NAALADL2: variants seen among roughly 807,000 people sequenced by gnomAD.
NAALADL2 encodes the protein inactive N-acetylated-alpha-linked acidic dipeptidase-like protein 2.
Under a neutral mutation model 87.2 loss-of-function variants are expected in NAALADL2, and 76 were observed. The ratio of observed to expected loss-of-function variants is 0.87; its 90% confidence interval spans 0.72 to 1.05. The LOEUF (loss-of-function observed/expected upper bound fraction) is 1.05, where lower values mean the gene tolerates loss of function less well. NAALADL2 is among the 50% of genes least tolerant of loss of function. The pLI, the probability that NAALADL2 is intolerant of heterozygous loss-of-function variation, is 0.00. For missense variants in NAALADL2, 1,089 were observed against 945.8 expected, an observed-to-expected ratio of 1.15 and a Z score of -1.99; for synonymous variants, 354 against 331.0, an observed-to-expected ratio of 1.07 and a Z score of -0.75.
chr3:175,472,317 T>C (rs1341083349), intron 9 of NAALADL2, among the ~76,000 whole-genome samples: 1 of 152,192 alleles, frequency 6.6e-6, no homozygotes, highest in Non-Finnish European at 1.5e-5. Context: ...GAGTTACTTA[T>C]TTTGAAAATA....
chr3:175,758,276 G>T (rs1436069028), intron 13 of NAALADL2, among the ~76,000 whole-genome samples: 1 of 151,848 alleles, frequency 6.6e-6, no homozygotes, highest in Non-Finnish European at 1.5e-5. Flanking sequence ...ACAAACTTTA[G>T]GACTGAAAGT....
intron 1 of NAALADL2, among the ~76,000 whole-genome samples, chr3:175,086,440 A>AG (rs1718933315): frequency 6.6e-6 from 1 of 152,238 alleles, no homozygotes; most frequent in Middle Eastern, 3.4e-3. Context: ...CGGGAAAAGA[A>AG]GCTAAAATTC....
At chr3:175,301,483 T>G (rs1235756582) in intron 4 of NAALADL2, among the ~76,000 whole-genome samples, 3 of 152,230 alleles carry the variant, frequency 2.0e-5, no homozygotes, top group Admixed American at 6.5e-5. Flanking sequence ...CTGTTTTGCA[T>G]TCTTAAAACA....
chr3:174,700,941 T>C (rs1314406832), intron 2 of NAALADL2, among the ~76,000 whole-genome samples: 4 of 152,078 alleles, frequency 2.6e-5, no homozygotes, highest in African/African-American at 7.2e-5. Flanking sequence ...GAGCTTAGCA[T>C]TGTAGGAGGA....
At chr3:174,613,308 G>A (rs1360145504) in intron 2 of NAALADL2, among the ~76,000 whole-genome samples, 4 of 152,178 alleles carry the variant, frequency 2.6e-5, no homozygotes, top group African/African-American at 9.7e-5. Flanking sequence ...CAAGGCCCTG[G>A]GGCTGTACAG....
intron 4 of NAALADL2, among the ~76,000 whole-genome samples, chr3:175,265,516 T>C (rs1057425744): frequency 2.6e-5 from 4 of 151,638 alleles, no homozygotes; most frequent in Non-Finnish European, 5.9e-5. Flanking sequence ...TCTTGATAAA[T>C]ATTGCTTAAT....
chr3:175,172,158 T>C (rs990339699), intron 2 of NAALADL2, among the ~76,000 whole-genome samples: 13 of 152,130 alleles, frequency 8.5e-5, no homozygotes, highest in African/African-American at 3.1e-4. Context: ...AAATATCACA[T>C]GTACCCCACA....
chr3:175,748,963 T>C (rs1257991238), intron 12 of NAALADL2, among the ~76,000 whole-genome samples: 1 of 151,290 alleles, frequency 6.6e-6, no homozygotes, highest in Admixed American at 6.6e-5. Flanking sequence ...AAAAATTAGC[T>C]GGACATGGTT....
At chr3:175,112,890 G>C (rs920153366) in intron 2 of NAALADL2, among the ~76,000 whole-genome samples, 11 of 151,566 alleles carry the variant, frequency 7.3e-5, no homozygotes. Context: ...TTCCAGAAAA[G>C]ATGGGCACTG....
At chr3:174,692,718 T>C (rs993350027) in intron 2 of NAALADL2, among the ~76,000 whole-genome samples, 3 of 152,062 alleles carry the variant, frequency 2.0e-5, no homozygotes, top group Admixed American at 6.5e-5. Flanking sequence ...TTAAAATAGA[T>C]GAAGTATATC....
intron 1 of NAALADL2, among the ~76,000 whole-genome samples, chr3:175,013,048 C>CATATTTATAT (rs1750083310): frequency 6.3e-5 from 2 of 31,856 alleles, no homozygotes; most frequent in Non-Finnish European, 1.5e-4. Flanking sequence ...ATAATATATA[C>CATATTTATAT]ATAAATATAT....
At chr3:174,734,806 A>G (rs1265380096) in intron 2 of NAALADL2, among the ~76,000 whole-genome samples, 2 of 152,206 alleles carry the variant, frequency 1.3e-5, no homozygotes, top group East Asian at 3.8e-4. Context: ...GGAATTTAAG[A>G]CAAAAATTCA....
In NAALADL2 at chr3:175,027,951, A is replaced by G. The variant is rs184911747; in HGVS notation, c.44-68839A>G. Among the ~76,000 whole-genome samples, 8 of 152,030 alleles carry G rather than the reference A, an allele frequency of 5.3e-5. No individual in the cohort carries two copies. In the East Asian group the frequency reaches 1.6e-3, roughly 29 times the overall value. On this transcript the variant is annotated intron_variant, in intron 1 of 13. Coordinates refer to ENST00000454872, the MANE Select transcript of NAALADL2 (RefSeq NM_207015.3). ...ATCTCGGTGGAACTGACCTAAAGCT[A>G]TATCTGGAATTATTCACATGTGAAA...
Position 175,233,981 on chromosome 3 carries a change from A to C in NAALADL2, c.596A>C (p.Lys199Thr). The C allele has an allele frequency of 1.2e-6, 2 of 1,605,826 alleles. No individual in the cohort carries two copies. The highest frequency in any genetic ancestry group is 1.3e-5 in the African/African-American group (1 of 74,870). The change falls in exon 3 of 14, where the codon AAG becomes ACG. Residue 199 changes from lysine to threonine, a missense_variant. By Grantham distance (78) the Lys-to-Thr change is moderately conservative. Coordinates refer to ENST00000454872, the MANE Select transcript of NAALADL2 (RefSeq NM_207015.3). ...GAAGATGACATGGAAATTTCAAAGA[A>C]GATTAAGACTCAGTGGACCTCTTTG... ...KNEDDMEISKKIKTQWTSLGL... is the reference protein window; with the variant it reads ...KNEDDMEISKTIKTQWTSLGL...
chr3:175,409,965 TAAA>T (rs1713174608), intron 5 of NAALADL2, among the ~76,000 whole-genome samples: 1 of 151,940 alleles, frequency 6.6e-6, no homozygotes. Flanking sequence ...TTAATGAAGT[TAAA>T]GAAGTAGATA....
chr3:174,807,236 A>G (rs948209020), intron 3 of NAALADL2, among the ~76,000 whole-genome samples: 6 of 152,062 alleles, frequency 3.9e-5, no homozygotes, highest in African/African-American at 1.4e-4. Context: ...ATATCATAAT[A>G]GCCAGCCTTT....
chr3:174,857,628 A>G (rs536720761), upstream of NAALADL2, among the ~76,000 whole-genome samples: 5 of 152,282 alleles, frequency 3.3e-5, no homozygotes, highest in African/African-American at 1.2e-4. Flanking sequence ...TTATTGGCAA[A>G]CATTCAATTT....
chr3:175,095,877 C>T (rs997216417), intron 1 of NAALADL2, among the ~76,000 whole-genome samples: 4 of 152,188 alleles, frequency 2.6e-5, no homozygotes, highest in Admixed American at 6.6e-5. Context: ...AGCCATAATA[C>T]ACCAGTGGTT....
chr3:175,522,411 G>A (rs1732777157), intron 9 of NAALADL2, among the ~76,000 whole-genome samples: 1 of 152,142 alleles, frequency 6.6e-6, no homozygotes, highest in Non-Finnish European at 1.5e-5. Context: ...CCCCACTGAG[G>A]TCATGTCCCA....
Sources: gnomAD v4.1 joint callset for allele counts (sites outside exome capture counted in the v4.1 genomes callset) on GRCh38, gnomAD v4.1.1 for gene constraint, MANE v1.5 for transcripts, NCBI Gene and HGNC (gene_info 2026-07-23, HGNC 2026-07-21) for gene names.